Variants in TMEM245 observed in about 807,000 individuals in gnomAD.
TMEM245 encodes transmembrane protein 245, also known as protein CG-2.
TMEM245 carries 69 observed loss-of-function variants against 101.2 expected under a neutral mutation model. That is an observed-to-expected ratio of 0.68 (90% CI 0.56 to 0.83). The LOEUF (loss-of-function observed/expected upper bound fraction) is 0.83, where lower values mean the gene tolerates loss of function less well. Among genes scored for constraint, TMEM245 ranks in the 40% least tolerant of loss-of-function variants. TMEM245 has a pLI of 0.00. For missense variants in TMEM245, 1,075 were observed against 1,092.8 expected (o/e 0.98, Z 0.23); for synonymous variants, 537 against 449.8 (o/e 1.19, Z -2.45).
intron 8 of TMEM245, among the ~76,000 whole-genome samples, chr9:109,079,780 G>GA (rs796106627): frequency 3.3e-4 from 49 of 147,996 alleles, no homozygotes; most frequent in Middle Eastern, 6.9e-3. Context: ...GAGGAGAAAG[G>GA]AAAAAAAAAG....
At chr9:109,033,630 G>A (rs879277329) in intron 16 of TMEM245, 129 bp from the exon 17 acceptor site, 3 of 795,004 alleles carry the variant, frequency 3.8e-6, no homozygotes, top group African/African-American at 3.5e-5. Flanking sequence ...AGATCACCTC[G>A]ATGCATACAA....
At chr9:109,086,169 C>A in intron 6 of TMEM245, 149 bp from the exon 7 acceptor site, 1 of 728,930 alleles carries the variant, frequency 1.4e-6, no homozygotes, top group Non-Finnish European at 2.3e-6. Context: ...AACTGTAACA[C>A]ATCAAAGTTT....
intron 9 of TMEM245, among the ~76,000 whole-genome samples, chr9:109,065,309 T>C (rs1161786533): frequency 1.3e-5 from 2 of 152,022 alleles, no homozygotes; most frequent in South Asian, 2.1e-4. Context: ...AAATGAAAAA[T>C]TGGGGGCCCA....
At position 109,050,283 on chromosome 9, in the gene TMEM245, C is replaced by T; in HGVS notation, c.2123G>A (p.Arg708Lys). 6.2e-7 allele frequency: 1 copy of T among 1,613,948 alleles called. No homozygotes were observed. The highest frequency in any genetic ancestry group is 8.5e-7 in the Non-Finnish European group (1 of 1,179,978). ...IIGQSVEEAI[R>K]GVFDASLKMA... Reference sequence around the variant, plus strand: ...AGAATAGCATAAACCTTATCCCTACCTGATAGCTTCTTCCACAGACTGGCC... The same window carrying T: ...AGAATAGCATAAACCTTATCCCTACTTGATAGCTTCTTCCACAGACTGGCC... The change falls in exon 14 of 18, where the codon AGA (arginine) becomes AAA (lysine). Residue 708 changes from arginine to lysine, a missense_variant and splice_region_variant. By Grantham distance (26) the Arg-to-Lys change is conservative. Around this residue, in one of 2 missense-constraint regions of TMEM245, gnomAD observed 267 missense variants for 351.3 expected, o/e 0.76. Transcript: ENST00000374586.
Position 109,037,539 on chromosome 9 carries a change from G to GA in TMEM245, c.2224+477dup, listed in dbSNP as rs759058802. 7.2e-5 allele frequency among the ~76,000 whole-genome samples: 11 copies of GA among 152,266 alleles called. 1 individual carries two copies. Among genetic ancestry groups the GA allele is most frequent in the Admixed American group, 1.3e-4 (2 of 15,296 alleles). On this transcript the variant is annotated intron_variant, in intron 15 of 17. Transcript: ENST00000374586. The stretch of plus-strand genomic sequence containing the variant: ...GCTGTTCTCATGATAGTGAATGAAT[G>GA]AGTTATCGTGAGATCTGGTTGTTTA...
At chr9:109,046,850 A>T (rs1828512995) in intron 14 of TMEM245, among the ~76,000 whole-genome samples, 1 of 152,150 alleles carries the variant, frequency 6.6e-6, no homozygotes, top group Non-Finnish European at 1.5e-5. Flanking sequence ...TTCAACACAA[A>T]CCTTCAGGAT....
In TMEM245 at chr9:109,058,286, G is replaced by A. The variant is rs1305712582; in HGVS notation, c.1723-964C>T. Among the ~76,000 whole-genome samples, 4 of 151,824 alleles carry A rather than the reference G, an allele frequency of 2.6e-5. No individual in the cohort carries two copies. The East Asian group carries it at 7.8e-4, about 30-fold the overall frequency. ...CCCAAAGTGCTAGGATTACAGGCGTGAGCCACCACGCCCAGCCCTCATTTT... is the reference window on the plus strand; with the variant it reads ...CCCAAAGTGCTAGGATTACAGGCGTAAGCCACCACGCCCAGCCCTCATTTT... On this transcript the variant is annotated intron_variant, in intron 11 of 17. Coordinates refer to ENST00000374586, the MANE Select transcript of TMEM245 (RefSeq NM_032012.4).
chr9:109,075,739 T>A (rs1211596984), intron 8 of TMEM245, among the ~76,000 whole-genome samples: 2 of 152,234 alleles, frequency 1.3e-5, no homozygotes, highest in Non-Finnish European at 2.9e-5. Flanking sequence ...TTCTTTTTTC[T>A]TCATCAGTCT....
chr9:109,106,026 C>G (rs550431854), intron 3 of TMEM245, among the ~76,000 whole-genome samples: 1 of 152,156 alleles, frequency 6.6e-6, no homozygotes, highest in African/African-American at 2.4e-5. Flanking sequence ...CTTGCCTCAG[C>G]CTCCCAAAGT....
rs552805926 is a variant in TMEM245 at position 109,051,019 on chromosome 9, G to C, written c.1855-327C>G. Among the ~76,000 whole-genome samples, 5 of 152,090 alleles carry C rather than the reference G, an allele frequency of 3.3e-5. No homozygotes were observed. In the South Asian group the frequency reaches 1.0e-3, roughly 32 times the overall value. On this transcript the variant is annotated intron_variant, in intron 12 of 17. Transcript: ENST00000374586. ...ATTTTATATATAATTGGTGGGGCAT[G>C]GTGGCTCATGCCTGTAATCCCAGCA...
In TMEM245 at chr9:109,050,371, G is replaced by T; in HGVS notation, c.2035C>A (p.Pro679Thr). 4 of 1,614,100 alleles carry T rather than the reference G, an allele frequency of 2.5e-6. No individual in the cohort carries two copies. The highest frequency in any genetic ancestry group is 3.4e-6 in the Non-Finnish European group (4 of 1,180,014). Residue 679 changes from proline (P) to threonine (T), a missense_variant, in exon 14 of 18, where the codon CCA (proline) becomes ACA (threonine). Around this residue, in one of 2 missense-constraint regions of TMEM245, gnomAD observed 267 missense variants for 351.3 expected, o/e 0.76. Coordinates refer to ENST00000374586, the MANE Select transcript of TMEM245 (RefSeq NM_032012.4). The stretch of plus-strand genomic sequence containing the variant: ...GTCAGGCTTATCACCCACTTCACTG[G>T]CTTGTAGTACTCATCACTGGAACTT... ...LLSSSDEYYKPVKWVISLTPL... is the reference protein window; with the variant it reads ...LLSSSDEYYKTVKWVISLTPL...
intron 3 of TMEM245, among the ~76,000 whole-genome samples, chr9:109,096,453 G>A (rs533133045): frequency 6.6e-6 from 1 of 152,274 alleles, no homozygotes; most frequent in Non-Finnish European, 1.5e-5. Context: ...CTGAGATCAT[G>A]CCAATAAGCC....
intron 3 of TMEM245, 91 bp from the exon 4 acceptor site, chr9:109,093,682 A>C: frequency 1.5e-5 from 15 of 1,034,190 alleles, no homozygotes; most frequent in Non-Finnish European, 2.3e-5. Context: ...AACAACAACA[A>C]AATAAAATGG....
intron 3 of TMEM245, among the ~76,000 whole-genome samples, chr9:109,104,389 T>G (rs1042474818): frequency 1.3e-5 from 2 of 152,162 alleles, no homozygotes; most frequent in Non-Finnish European, 2.9e-5. Context: ...ACGAAATAAA[T>G]GGAAATGCAT....
At chr9:109,057,092 A>G (rs770749620) in intron 12 of TMEM245, 99 bp downstream of exon 12, 65 of 1,324,850 alleles carry the variant, frequency 4.9e-5, no homozygotes, top group Non-Finnish European at 5.4e-5. Flanking sequence ...ATGATGTTAA[A>G]AACAGGATAG....
intron 9 of TMEM245, among the ~76,000 whole-genome samples, chr9:109,067,986 G>A (rs930040825): frequency 5.3e-5 from 8 of 152,012 alleles, no homozygotes; most frequent in South Asian, 4.1e-4. Context: ...ATTTCATGCC[G>A]ACCCCTACTA....
intron 5 of TMEM245, among the ~76,000 whole-genome samples, chr9:109,089,356 C>T (rs563886172): frequency 6.6e-6 from 1 of 152,002 alleles, no homozygotes; most frequent in Admixed American, 6.6e-5. Context: ...ATTTAATTAA[C>T]TATCCAATTG....
At chr9:109,027,275 C>T (rs1827818469) in intron 17 of TMEM245, among the ~76,000 whole-genome samples, 1 of 152,198 alleles carries the variant, frequency 6.6e-6, no homozygotes, top group Admixed American at 6.5e-5. Context: ...GATATCCTCA[C>T]CCCACCTCCC....
intron 5 of TMEM245, among the ~76,000 whole-genome samples, chr9:109,089,336 A>T (rs1293191802): frequency 1.3e-5 from 2 of 152,236 alleles, no homozygotes; most frequent in Non-Finnish European, 2.9e-5. Context: ...AATGTTAAAA[A>T]ATAATGCCTA....
Sources: gnomAD v4.1 joint callset for allele counts (sites outside exome capture counted in the v4.1 genomes callset) on GRCh38, gnomAD v4.1.1 for gene constraint, gnomAD v4.1.1 regional missense constraint, MANE v1.5 for transcripts, NCBI Gene and HGNC (gene_info 2026-07-23, HGNC 2026-07-21) for gene names.